Variants in TENM2 observed in about 807,000 individuals in gnomAD.
TENM2 encodes teneurin-2.
Under a neutral mutation model 245.2 loss-of-function variants are expected in TENM2, and 52 were observed. The ratio of observed to expected loss-of-function variants is 0.21; its 90% confidence interval spans 0.17 to 0.27. The LOEUF is 0.27. Ranked by LOEUF, TENM2 falls within the 10% of genes least tolerant of loss-of-function variation. The probability of loss-of-function intolerance (pLI) is 1.00; values close to 1 mark genes in which losing one functional copy is unlikely to be tolerated. For missense variants in TENM2, 3,046 were observed against 3,666.8 expected (o/e 0.83, Z 4.37); for synonymous variants, 1,363 against 1,438.9 (o/e 0.95, Z 1.19).
chr5:168,061,973 A>G, intron 6 of TENM2, 87 bp from the exon 9 acceptor site: 1 of 1,237,216 alleles, frequency 8.1e-7, no homozygotes, highest in South Asian at 1.6e-5. Flanking sequence ...AACAACAAAA[A>G]AAAACCTGGC....
At chr5:167,146,863 G>T in the TENM2 span, among the ~76,000 whole-genome samples, 30 of 152,014 alleles carry the variant, frequency 2.0e-4, no homozygotes, top group East Asian at 5.6e-3. Context: ...CCCACACTTG[G>T]AGATGAATTA....
At chr5:167,029,090 A>G in the TENM2 span, among the ~76,000 whole-genome samples, 28 of 152,340 alleles carry the variant, frequency 1.8e-4, no homozygotes, top group African/African-American at 6.5e-4. Flanking sequence ...CAGTTAAACA[A>G]CACTGTACTT....
intron 26 of TENM2, among the ~76,000 whole-genome samples, chr5:168,245,789 G>T (rs556693753): frequency 2.0e-5 from 3 of 152,182 alleles, no homozygotes; most frequent in Admixed American, 6.5e-5. Flanking sequence ...TGTCCCCTTG[G>T]TCCTTCCTGA....
chr5:168,078,918 T>C (rs1404465963), intron 7 of TENM2, among the ~76,000 whole-genome samples: 1 of 152,204 alleles, frequency 6.6e-6, no homozygotes, highest in African/African-American at 2.4e-5. Context: ...TGTGGGCTCT[T>C]TTTTGGTTCC....
At chr5:168,091,228 A>G (rs1792914115) in intron 8 of TENM2, among the ~76,000 whole-genome samples, 1 of 152,232 alleles carries the variant, frequency 6.6e-6, no homozygotes, top group African/African-American at 2.4e-5. Context: ...GGGAACCTCA[A>G]AATACTAATA....
intron 2 of TENM2, among the ~76,000 whole-genome samples, chr5:167,683,968 T>G (rs1288371745): frequency 6.6e-6 from 1 of 152,174 alleles, no homozygotes; most frequent in African/African-American, 2.4e-5. Flanking sequence ...CTCCCCAAGC[T>G]TTCAAAAAGA....
At chr5:167,077,328 A>T in the TENM2 span, among the ~76,000 whole-genome samples, 1 of 152,038 alleles carries the variant, frequency 6.6e-6, no homozygotes, top group South Asian at 2.1e-4. Context: ...TACCATTTTT[A>T]AACTTTTTTT....
intron 2 of TENM2, among the ~76,000 whole-genome samples, chr5:167,631,366 C>T (rs751318913): frequency 2.7e-4 from 41 of 152,106 alleles, no homozygotes; most frequent in Non-Finnish European, 5.1e-4. Context: ...TTGGTGCCAG[C>T]CATATAAAGA....
intron 2 of TENM2, among the ~76,000 whole-genome samples, chr5:167,444,278 C>T (rs1765029999): frequency 9.7e-6 from 1 of 103,350 alleles, no homozygotes; most frequent in Admixed American, 1.3e-4. Context: ...TTTGCTTATG[C>T]ACACATGCAC....
chr5:167,832,748 A>G (rs756901945), intron 2 of TENM2, among the ~76,000 whole-genome samples: 2 of 152,198 alleles, frequency 1.3e-5, no homozygotes, highest in Non-Finnish European at 2.9e-5. Context: ...ATATGTAGAG[A>G]GAAATATTGA....
intron 2 of TENM2, among the ~76,000 whole-genome samples, chr5:167,683,514 A>G (rs527727793): frequency 2.2e-4 from 33 of 152,350 alleles, no homozygotes; most frequent in South Asian, 4.1e-4. Flanking sequence ...GGTTGAATGT[A>G]ATATAATCCC....
chr5:167,862,069 T>A (rs1341888765), intron 2 of TENM2, among the ~76,000 whole-genome samples: 5 of 152,218 alleles, frequency 3.3e-5, no homozygotes, highest in Non-Finnish European at 7.3e-5. Context: ...TTAACATTGC[T>A]GACAGTGGAG....
intron 13 of TENM2, among the ~76,000 whole-genome samples, chr5:168,189,500 A>G (rs1760758609): frequency 6.6e-6 from 1 of 152,100 alleles, no homozygotes; most frequent in African/African-American, 2.4e-5. Context: ...GAGGCACAGG[A>G]CTCTAGGCAA....
intron 7 of TENM2, among the ~76,000 whole-genome samples, chr5:168,063,218 T>C (rs1790197842): frequency 6.6e-6 from 1 of 152,196 alleles, no homozygotes. Flanking sequence ...CAGATGTTTC[T>C]CTGTGGCTCC....
chr5:167,752,305 G>A (rs1164453551), intron 2 of TENM2, among the ~76,000 whole-genome samples: 3 of 148,688 alleles, frequency 2.0e-5, no homozygotes, highest in Non-Finnish European at 3.0e-5. Context: ...GTAGAGATGG[G>A]GTTTCGCCAT....
chr5:167,038,016 A>G, the TENM2 span, among the ~76,000 whole-genome samples: 14 of 152,362 alleles, frequency 9.2e-5, no homozygotes, highest in African/African-American at 3.1e-4. Context: ...TTGTGGGAGA[A>G]CCTTTCCCAA....
At chr5:167,192,413 C>T in the TENM2 span, among the ~76,000 whole-genome samples, 1 of 151,910 alleles carries the variant, frequency 6.6e-6, no homozygotes, top group Non-Finnish European at 1.5e-5. Flanking sequence ...GGCTGCTAGC[C>T]CAGCATACAC....
intron 1 of TENM2, among the ~76,000 whole-genome samples, chr5:167,353,772 G>A (rs1283974158): frequency 1.3e-5 from 2 of 151,994 alleles, no homozygotes; most frequent in Non-Finnish European, 2.9e-5. Context: ...CTCCCAAAGT[G>A]CTGGGATTAC....
chr5:167,613,368 C>G (rs1777593764), intron 2 of TENM2, among the ~76,000 whole-genome samples: 1 of 152,134 alleles, frequency 6.6e-6, no homozygotes, highest in Non-Finnish European at 1.5e-5. Flanking sequence ...TCATTTAATT[C>G]TCCAACTATG....
Sources: gnomAD v4.1 joint callset for allele counts (sites outside exome capture counted in the v4.1 genomes callset) on GRCh38, gnomAD v4.1.1 for gene constraint, MANE v1.5 for transcripts, NCBI Gene and HGNC (gene_info 2026-07-23, HGNC 2026-07-21) for gene names.